Variants in PBX4 observed in about 807,000 individuals in gnomAD.
PBX4 encodes PBX homeobox 4.
Under a neutral mutation model 35.1 loss-of-function variants are expected in PBX4, and 26 were observed. The observed-to-expected ratio is 0.74, with a 90% CI of 0.54 to 1.03. The LOEUF (loss-of-function observed/expected upper bound fraction) is 1.03. Ranked by LOEUF, PBX4 falls within the 50% of genes least tolerant of loss-of-function variation. The pLI is 0.00. For synonymous variants in PBX4, 199 were observed against 204.2 expected (o/e 0.97, Z 0.22); for missense variants, 448 against 504.3 (o/e 0.89, Z 1.07).
At chr19:19,573,124 A>G (rs183086934) in intron 2 of PBX4, among the ~76,000 whole-genome samples, 17 of 151,958 alleles carry the variant, frequency 1.1e-4, no homozygotes, top group African/African-American at 4.1e-4. Flanking sequence ...TGACTAACAC[A>G]GAGAAACCCC....
intron 2 of PBX4, among the ~76,000 whole-genome samples, chr19:19,584,859 C>T (rs760118022): frequency 3.3e-5 from 5 of 151,750 alleles, no homozygotes; most frequent in Non-Finnish European, 5.9e-5. Flanking sequence ...CTCCTGACCT[C>T]GTGATCACCC....
At chr19:19,568,305 G>A (rs1243318476) in intron 5 of PBX4, among the ~76,000 whole-genome samples, 62 of 136,378 alleles carry the variant, frequency 4.5e-4, no homozygotes, top group Admixed American at 4.1e-3. Context: ...CCCTCAGGGA[G>A]CTCACACTCT....
At chr19:19,612,838 CT>C (rs11299597) in intron 1 of PBX4, among the ~76,000 whole-genome samples, 27,608 of 147,464 alleles carry the variant, frequency 0.19, 3,118 homozygotes, top group East Asian at 0.28. Context: ...CATTTAATTT[CT>C]TTTTTTTTTT....
At chr19:19,594,135 G>A (rs1294503257) in intron 2 of PBX4, among the ~76,000 whole-genome samples, 2 of 151,542 alleles carry the variant, frequency 1.3e-5, no homozygotes, top group Non-Finnish European at 2.9e-5. Flanking sequence ...GCCGGGCATG[G>A]TGGCACATGG....
rs1171458967 is a variant in PBX4 at position 19,563,648 on chromosome 19, C to T, written c.926-33G>A. On this transcript the variant is annotated intron_variant, in intron 6 of 7. Coordinates refer to ENST00000251203, the MANE Select transcript of PBX4 (RefSeq NM_025245.3). This position sits in a 1 kb window ranked among gnomAD's most constrained non-coding sequence, Gnocchi z 5.1. The stretch of plus-strand genomic sequence containing the variant: ...AGATGGGAGCCGGGGTGGGCAGAGT[C>T]GTGGCGCCTCCTCAGGTGGAACCCA... 15 of 1,526,838 alleles carry T rather than the reference C, an allele frequency of 9.8e-6. No individual in the cohort carries two copies. Among genetic ancestry groups the T allele is most frequent in the South Asian group, 8.4e-5 (7 of 83,448 alleles). 94.6% of individuals were successfully genotyped at this position (1,526,838 alleles called of 1,614,324 possible).
At position 19,563,757 on chromosome 19, in the gene PBX4, A is replaced by G; in HGVS notation, c.926-142T>C. On this transcript the variant is annotated intron_variant, in intron 6 of 7. Coordinates refer to ENST00000251203, the MANE Select transcript of PBX4 (RefSeq NM_025245.3). This position sits in a 1 kb window ranked among gnomAD's most constrained non-coding sequence, Gnocchi z 5.1. ...GGCCTCTGCTCCTCAGCCCCCACCC[A>G]GGCAGGCCAGCGGGCCCTCCCCACC... 2.8e-6 allele frequency: 2 copies of G among 716,872 alleles called. No homozygotes were observed. The highest frequency in any genetic ancestry group is 2.5e-6 in the Non-Finnish European group (1 of 402,280). The allele number at this position is 716,872 out of a possible 1,614,324, so 44.4% of individuals were successfully genotyped here.
At chr19:19,568,189 G>A (rs888280801) in intron 5 of PBX4, among the ~76,000 whole-genome samples, 5 of 143,788 alleles carry the variant, frequency 3.5e-5, no homozygotes, top group African/African-American at 1.1e-4. Flanking sequence ...CCCTCAGGGA[G>A]CTCACACTCT....
chr19:19,585,299 T>C (rs984502540), intron 2 of PBX4, among the ~76,000 whole-genome samples: 6 of 151,748 alleles, frequency 4.0e-5, no homozygotes, highest in Non-Finnish European at 8.8e-5. Flanking sequence ...TACTCCAGCC[T>C]GGGTGACAGT....
intron 1 of PBX4, among the ~76,000 whole-genome samples, chr19:19,605,714 C>T (rs1485825063): frequency 2.0e-5 from 3 of 151,924 alleles, no homozygotes; most frequent in Admixed American, 6.6e-5. Flanking sequence ...AAGTAATCCT[C>T]CCACTTTGGC....
At chr19:19,595,155 A>G (rs1391215377) in intron 2 of PBX4, among the ~76,000 whole-genome samples, 1 of 152,194 alleles carries the variant, frequency 6.6e-6, no homozygotes, top group African/African-American at 2.4e-5. Context: ...TGAGCAAGGG[A>G]CAACTTGGGC....
chr19:19,590,953 G>A (rs923263583), intron 2 of PBX4, among the ~76,000 whole-genome samples: 2 of 152,176 alleles, frequency 1.3e-5, no homozygotes, highest in Non-Finnish European at 2.9e-5. Context: ...AATGTGGCTG[G>A]TGTGGCTGAG....
chr19:19,614,985 C>A (rs1177220525), intron 1 of PBX4, among the ~76,000 whole-genome samples: 1 of 151,414 alleles, frequency 6.6e-6, no homozygotes, highest in African/African-American at 2.4e-5. Context: ...TACGGTGAAA[C>A]CCTGTCTCTA....
intron 2 of PBX4, among the ~76,000 whole-genome samples, chr19:19,577,351 A>G (rs2061426227): frequency 6.6e-6 from 1 of 152,140 alleles, no homozygotes. Flanking sequence ...CCAAATTCCC[A>G]TTCTGTACCT....
chr19:19,567,886 A>G (rs964433532), intron 5 of PBX4, among the ~76,000 whole-genome samples: 3 of 151,148 alleles, frequency 2.0e-5, no homozygotes, highest in African/African-American at 7.3e-5. Context: ...CTCCATCTGT[A>G]TCCCTCAGGG....
chr19:19,570,325 G>A (rs2061373825), intron 3 of PBX4, 26 bp from the exon 4 acceptor site: 2 of 1,573,892 alleles, frequency 1.3e-6, no homozygotes, highest in South Asian at 1.2e-5. Flanking sequence ...AGACACGCCG[G>A]CCTGTGACTA....
chr19:19,570,852 G>C lies in PBX4; in HGVS notation c.194-19C>G. ...CTTACCACTAGATAAGAGAGACCGG[G>C]ACAAGTCACAATTCATTTTCTGGAG... On this transcript the variant is annotated intron_variant, in intron 2 of 7. Transcript: ENST00000251203. 6.2e-7 allele frequency: 1 copy of C among 1,607,130 alleles called. No homozygotes were observed. The highest frequency in any genetic ancestry group is 1.7e-4 in the Middle Eastern group (1 of 6,028).
chr19:19,566,312 G>C (rs1027134287), intron 5 of PBX4, among the ~76,000 whole-genome samples: 1 of 152,152 alleles, frequency 6.6e-6, no homozygotes, highest in Non-Finnish European at 1.5e-5. Context: ...GGCACCCACT[G>C]GGTGCCAGGA....
chr19:19,599,029 C>T (rs1233815756), intron 2 of PBX4, among the ~76,000 whole-genome samples: 4 of 150,408 alleles, frequency 2.7e-5, no homozygotes, highest in African/African-American at 7.4e-5. Context: ...AGTGCAATGG[C>T]GCGATCTTGG....
At chr19:19,565,187 C>G in intron 5 of PBX4, 98 bp from the exon 6 acceptor site, 1 of 1,443,194 alleles carries the variant, frequency 6.9e-7, no homozygotes, top group Non-Finnish European at 9.6e-7. Context: ...CTCCCACTGC[C>G]TTAGAAGACA....
Sources: gnomAD v4.1 joint callset for allele counts (sites outside exome capture counted in the v4.1 genomes callset) on GRCh38, gnomAD v4.1.1 for gene constraint, Gnocchi (gnomAD v3.1) non-coding constraint, MANE v1.5 for transcripts, NCBI Gene and HGNC (gene_info 2026-07-23, HGNC 2026-07-21) for gene names.